Variants in PDGFC observed in about 807,000 individuals in gnomAD.
PDGFC encodes the protein platelet-derived growth factor C.
PDGFC carries 12 observed loss-of-function variants against 35.5 expected under a neutral mutation model. The ratio of observed to expected loss-of-function variants is 0.34; its 90% confidence interval spans 0.22 to 0.55. The LOEUF is 0.55. Ranked by LOEUF, PDGFC falls within the 20% of genes least tolerant of loss-of-function variation. The pLI is 0.91. For missense variants in PDGFC, 322 were observed against 412.4 expected (o/e 0.78, Z 1.90); for synonymous variants, 159 against 148.8 (o/e 1.07, Z -0.50).
At chr4:156,882,248 T>C (rs1312326042) in intron 1 of PDGFC, among the ~76,000 whole-genome samples, 1 of 152,192 alleles carries the variant, frequency 6.6e-6, no homozygotes, top group Non-Finnish European at 1.5e-5. Context: ...TACCTAACTT[T>C]GAATTTTGTG....
chr4:156,799,487 T>C (rs987278889), intron 3 of PDGFC, among the ~76,000 whole-genome samples: 1 of 152,206 alleles, frequency 6.6e-6, no homozygotes, highest in Non-Finnish European at 1.5e-5. Flanking sequence ...GTGCACAGAT[T>C]GCATAATTTC....
At position 156,767,776 on chromosome 4, in the gene PDGFC, G is replaced by A. The variant is rs546776439; in HGVS notation, c.918C>T (p.His306=). The change falls in exon 5 of 6, where the codon CAC becomes CAT. Residue 306 remains histidine, a synonymous_variant. Transcript: ENST00000502773. ...CVPSKVTKKY[H]EVLQLRPKTG... ...AAAAAGAAAATTGTATACCTACCTC[G>A]TGGTATTTTTTAGTAACTTTGCTTG... is the stretch of plus-strand genomic sequence containing the variant. 7.0e-5 allele frequency: 111 copies of A among 1,596,642 alleles called. No homozygotes were observed. Among genetic ancestry groups the A allele is most frequent in the Middle Eastern group, 1.7e-4 (1 of 6,020 alleles).
At chr4:156,893,921 G>A (rs535490836) in intron 1 of PDGFC, among the ~76,000 whole-genome samples, 1 of 152,174 alleles carries the variant, frequency 6.6e-6, no homozygotes, top group South Asian at 2.1e-4. Flanking sequence ...CTCTTTATTA[G>A]TTTTCTTCTC....
chr4:156,903,104 A>AGAGAGT (rs368483475), intron 1 of PDGFC, among the ~76,000 whole-genome samples: 57,598 of 130,880 alleles, frequency 0.44, 12,708 homozygotes, highest in Non-Finnish European at 0.54. Context: ...AGAGAGAGAG[A>AGAGAGT]GTGTGTGTGT....
At position 156,883,084 on chromosome 4, in the gene PDGFC, C is replaced by CAA. The variant is rs376927288; in HGVS notation, c.119-32670_119-32669dup. Among the ~76,000 whole-genome samples the CAA allele has an allele frequency of 2.5e-3, 207 of 83,254 alleles. 1 individual carries two copies. The highest frequency in any genetic ancestry group is 9.1e-3 in the African/African-American group (202 of 22,270). The allele number at this position is 83,254 out of a possible 152,430, so 54.6% of individuals were successfully genotyped here. A position where few individuals can be genotyped will look rare whatever the true frequency, so the allele number is the denominator to read the frequency against. Reference sequence around the variant, plus strand: ...GAGCGACAGAGCAAGATTCTGTCTCCAAAAAAAAAAAAAAAAGAAAATGCC... The same window carrying CAA: ...GAGCGACAGAGCAAGATTCTGTCTCCAAAAAAAAAAAAAAAAAAGAAAATGCC... On this transcript the variant is annotated intron_variant, in intron 1 of 5. Transcript: ENST00000502773.
At chr4:156,955,704 C>T (rs995447052) in intron 1 of PDGFC, among the ~76,000 whole-genome samples, 4 of 151,956 alleles carry the variant, frequency 2.6e-5, no homozygotes, top group Non-Finnish European at 2.9e-5. Flanking sequence ...GGAATTGGCG[C>T]AGAAGGCTAT....
chr4:156,846,258 T>A (rs1025431737), intron 2 of PDGFC, among the ~76,000 whole-genome samples: 3 of 151,826 alleles, frequency 2.0e-5, no homozygotes, highest in African/African-American at 7.2e-5. Context: ...AGAAATCTGG[T>A]GGATAGTCAT....
chr4:156,908,074 G>A (rs1405133838), intron 1 of PDGFC, among the ~76,000 whole-genome samples: 2 of 152,154 alleles, frequency 1.3e-5, no homozygotes, highest in Non-Finnish European at 2.9e-5. Context: ...GCTGAGGTAG[G>A]AGAATCACTT....
chr4:156,778,979 T>C (rs1306244993), intron 3 of PDGFC: 2 of 313,804 alleles, frequency 6.4e-6, no homozygotes, highest in Non-Finnish European at 1.3e-5. Context: ...AATGATCAGG[T>C]GTTTAAGAGA....
At chr4:156,939,334 A>T (rs1731754493) in intron 1 of PDGFC, among the ~76,000 whole-genome samples, 1 of 152,102 alleles carries the variant, frequency 6.6e-6, no homozygotes, top group Non-Finnish European at 1.5e-5. Context: ...ATGTGAATTC[A>T]CTAGAAAAAT....
intron 1 of PDGFC, among the ~76,000 whole-genome samples, chr4:156,863,762 A>C (rs1257374320): frequency 2.0e-5 from 3 of 152,086 alleles, no homozygotes; most frequent in African/African-American, 7.2e-5. Flanking sequence ...AAAAGTGGTA[A>C]ATTTCATATT....
At chr4:156,934,207 AATGGT>A (rs1731622571) in intron 1 of PDGFC, among the ~76,000 whole-genome samples, 1 of 152,188 alleles carries the variant, frequency 6.6e-6, no homozygotes, top group African/African-American at 2.4e-5. Flanking sequence ...AACAAACCTA[AATGGT>A]ATGGCCTATT....
At position 156,913,270 on chromosome 4, in the gene PDGFC, A is replaced by T. The variant is rs185333497; in HGVS notation, c.118+57516T>A. 2.2e-3 allele frequency among the ~76,000 whole-genome samples: 333 copies of T among 152,344 alleles called. 1 individual carries two copies. Among genetic ancestry groups the T allele is most frequent in the African/African-American group, 7.7e-3 (322 of 41,572 alleles). On this transcript the variant is annotated intron_variant, in intron 1 of 5. Transcript: ENST00000502773. ...GAAATGTGATATATAAAATGGTGTCATGGTGGTACAGAGCCCTACAACGGA... is the reference window on the plus strand; with the variant it reads ...GAAATGTGATATATAAAATGGTGTCTTGGTGGTACAGAGCCCTACAACGGA...
In PDGFC at chr4:156,781,636, C is replaced by T. The variant is rs116808016; in HGVS notation, c.496-8743G>A. On this transcript the variant is annotated intron_variant, in intron 3 of 5. Transcript: ENST00000502773. ...TCCTGTCAGAAGGCACTCACTAACT[C>T]TCCTACTGCTGACAATGCAAACAGT... 6.7e-3 allele frequency among the ~76,000 whole-genome samples: 1,026 copies of T among 152,090 alleles called. 15 individuals carry two copies. The highest frequency in any genetic ancestry group is 0.024 in the African/African-American group (989 of 41,488).
chr4:156,929,524 T>C (rs1731499752), intron 1 of PDGFC, among the ~76,000 whole-genome samples: 1 of 150,684 alleles, frequency 6.6e-6, no homozygotes, highest in African/African-American at 2.4e-5. Flanking sequence ...ACAAAACTCA[T>C]TTTGCTCCAT....
intron 1 of PDGFC, among the ~76,000 whole-genome samples, chr4:156,950,089 C>T (rs1732043862): frequency 6.6e-6 from 1 of 151,880 alleles, no homozygotes; most frequent in Non-Finnish European, 1.5e-5. Flanking sequence ...GAGTATGACA[C>T]CCTAAAATAT....
intron 1 of PDGFC, among the ~76,000 whole-genome samples, chr4:156,898,676 T>TC (rs912476625): frequency 7.2e-5 from 11 of 152,196 alleles, no homozygotes; most frequent in Non-Finnish European, 1.3e-4. Context: ...GCTCTTTTTT[T>TC]CAGACAGGGT....
chr4:156,896,904 C>T (rs1730645719), intron 1 of PDGFC, among the ~76,000 whole-genome samples: 2 of 152,114 alleles, frequency 1.3e-5, no homozygotes, highest in Non-Finnish European at 2.9e-5. Flanking sequence ...AGTATTCTCT[C>T]AAGATTTGAA....
intron 2 of PDGFC, among the ~76,000 whole-genome samples, chr4:156,819,673 G>A (rs181647562): frequency 3.3e-5 from 5 of 152,284 alleles, no homozygotes; most frequent in Admixed American, 6.5e-5. Flanking sequence ...TACATACAAG[G>A]AGATTTATGT....
Sources: gnomAD v4.1 joint callset for allele counts (sites outside exome capture counted in the v4.1 genomes callset) on GRCh38, gnomAD v4.1.1 for gene constraint, MANE v1.5 for transcripts, NCBI Gene and HGNC (gene_info 2026-07-23, HGNC 2026-07-21) for gene names.